Variants in CACNA1E observed in about 807,000 individuals in gnomAD.
The protein encoded by CACNA1E is calcium voltage-gated channel subunit alpha1 E.
In CACNA1E, 40 loss-of-function variants were observed where a neutral mutation model predicts 259.2. The ratio of observed to expected loss-of-function variants is 0.15; its 90% CI spans 0.12 to 0.20. CACNA1E has a LOEUF of 0.20. Ranked by LOEUF, CACNA1E falls within the 10% of genes least tolerant of loss-of-function variation. CACNA1E has a pLI of 1.00. For synonymous variants in CACNA1E, 1,104 were observed against 1,138.5 expected (o/e 0.97, Z 0.61); for missense variants, 1,874 against 3,040.1 (o/e 0.62, Z 9.02).
intron 3 of CACNA1E, among the ~76,000 whole-genome samples, chr1:181,543,826 A>G (rs1165158740): frequency 6.6e-6 from 1 of 152,234 alleles, no homozygotes; most frequent in Non-Finnish European, 1.5e-5. Context: ...ACAATAAAAG[A>G]GACAGACAAT....
At chr1:181,433,561 G>A (rs952147950) in intron 2 of CACNA1E, among the ~76,000 whole-genome samples, 13 of 152,152 alleles carry the variant, frequency 8.5e-5, no homozygotes, top group African/African-American at 2.2e-4. Context: ...AAATATAGGA[G>A]CTTATAAAGA....
chr1:181,323,814 C>T (rs192313353), intron 1 of CACNA1E, among the ~76,000 whole-genome samples: 2 of 152,334 alleles, frequency 1.3e-5, no homozygotes, highest in South Asian at 2.1e-4. Context: ...AACACACATC[C>T]AACTTCCGCC....
At chr1:181,715,043 C>T (rs1653756408) in intron 8 of CACNA1E, among the ~76,000 whole-genome samples, 1 of 152,184 alleles carries the variant, frequency 6.6e-6, no homozygotes, top group Admixed American at 6.5e-5. Context: ...TCATTCCTAT[C>T]AAGGATTTTA....
intron 16 of CACNA1E, among the ~76,000 whole-genome samples, chr1:181,723,163 T>C (rs545970674): frequency 6.6e-6 from 1 of 152,298 alleles, no homozygotes; most frequent in South Asian, 2.1e-4. Flanking sequence ...ATGGGAGAAG[T>C]TAGCATCTCA....
At chr1:181,373,607 G>A (rs1654866084) in intron 1 of CACNA1E, among the ~76,000 whole-genome samples, 2 of 146,998 alleles carry the variant, frequency 1.4e-5, no homozygotes, top group South Asian at 2.1e-4. Context: ...GCGCAATCTC[G>A]GCTCACTGCA....
intron 2 of CACNA1E, among the ~76,000 whole-genome samples, chr1:181,440,484 A>C (rs539927351): frequency 6.6e-6 from 1 of 152,258 alleles, no homozygotes; most frequent in South Asian, 2.1e-4. Flanking sequence ...TCCACCAAAG[A>C]ACAATAGCAA....
intron 6 of CACNA1E, among the ~76,000 whole-genome samples, chr1:181,637,709 CCAG>C (rs1371684829): frequency 6.6e-6 from 1 of 152,112 alleles, no homozygotes; most frequent in African/African-American, 2.4e-5. Context: ...GAACAACATA[CCAG>C]CCCACAATGA....
intron 6 of CACNA1E, among the ~76,000 whole-genome samples, chr1:181,584,773 C>T (rs1451226692): frequency 6.6e-6 from 1 of 152,150 alleles, no homozygotes; most frequent in African/African-American, 2.4e-5. Context: ...TCAGTCTTTT[C>T]CTACCACCTC....
At chr1:181,726,861 G>A (rs564593697) in intron 18 of CACNA1E, among the ~76,000 whole-genome samples, 1 of 152,196 alleles carries the variant, frequency 6.6e-6, no homozygotes, top group East Asian at 1.9e-4. Flanking sequence ...AAGGAGATGA[G>A]TAATCCCATT....
chr1:181,762,730 C>G (rs762616389), intron 33 of CACNA1E, 73 bp downstream of exon 33: 87 of 870,056 alleles, frequency 1.0e-4, no homozygotes, highest in Non-Finnish European at 1.3e-4. Flanking sequence ...TCTGTATATT[C>G]AGTCCATTTT....
chr1:181,492,914 A>G (rs989325461), intron 1 of CACNA1E, among the ~76,000 whole-genome samples: 2 of 152,166 alleles, frequency 1.3e-5, no homozygotes, highest in African/African-American at 4.8e-5. Context: ...TTGAAACTCT[A>G]TGGAACTTCA....
chr1:181,728,332 G>A (rs140507536), intron 18 of CACNA1E, among the ~76,000 whole-genome samples: 1 of 152,294 alleles, frequency 6.6e-6, no homozygotes, highest in African/African-American at 2.4e-5. Flanking sequence ...AAGAATGAAT[G>A]AAATGTGGGT....
rs1249717519 is a variant in CACNA1E, at chr1:181,732,865, A to G, written c.2779A>G (p.Arg927Gly). ...SQRRSRHRRV[R>G]TEGKESSSAS... is the part of the protein sequence containing the mutation. ...ACGGCGCAGCCGGCATCGCCGCGTC[A>G]GGACAGAAGGCAAGGAGTCCTCTTC... is the stretch of plus-strand genomic sequence containing the variant. Residue 927 changes from arginine to glycine, a missense_variant, in exon 20 of 48, where the codon AGG becomes GGG. Arg to Gly is a moderately radical substitution (Grantham distance 125). This residue lies in a region of CACNA1E where 476 missense variants were observed against 514.0 expected (regional missense o/e 0.93). Transcript: ENST00000367573. The surrounding 1 kb of genome is among the most constrained non-coding windows in gnomAD (Gnocchi z 5.5). The G allele has an allele frequency of 3.7e-6, 6 of 1,613,904 alleles. No homozygotes were observed. The highest frequency in any genetic ancestry group is 1.3e-5 in the African/African-American group (1 of 74,960).
At chr1:181,514,154 C>G (rs992864360) in intron 3 of CACNA1E, among the ~76,000 whole-genome samples, 11 of 152,200 alleles carry the variant, frequency 7.2e-5, no homozygotes, top group African/African-American at 2.7e-4. Flanking sequence ...TCACATGATG[C>G]TCTCATCTAC....
intron 7 of CACNA1E, among the ~76,000 whole-genome samples, chr1:181,659,381 A>C (rs1282090716): frequency 6.6e-6 from 1 of 152,234 alleles, no homozygotes; most frequent in Admixed American, 6.5e-5. Flanking sequence ...ACTTGTCTCA[A>C]AGGAAATGGG....
intron 6 of CACNA1E, among the ~76,000 whole-genome samples, chr1:181,593,440 G>A (rs1652854252): frequency 6.6e-6 from 1 of 152,158 alleles, no homozygotes; most frequent in Non-Finnish European, 1.5e-5. Flanking sequence ...CCTATATTTG[G>A]TGCAAAAGTG....
chr1:181,463,217 T>C (rs968774228), intron 2 of CACNA1E, among the ~76,000 whole-genome samples: 1 of 152,128 alleles, frequency 6.6e-6, no homozygotes, highest in Non-Finnish European at 1.5e-5. Context: ...AGATGAATAA[T>C]AACTATTAAT....
chr1:181,732,834 G>A lies in CACNA1E; in HGVS notation c.2748G>A (p.Gln916=), dbSNP rs746053171. ...TTGAGGACCGGGCCAGGCACAGGCA[G>A]AGCCAACGGCGCAGCCGGCATCGCC... ...VTFEDRARHR[Q]SQRRSRHRRV... The change falls in exon 20 of 48, where the codon CAG becomes CAA. Residue 916 remains glutamine, a synonymous_variant. Transcript: ENST00000367573. The surrounding 1 kb of genome is among the most constrained non-coding windows in gnomAD (Gnocchi z 5.5). 6.2e-7 allele frequency: 1 copy of A among 1,613,226 alleles called. No individual in the cohort carries two copies. Among genetic ancestry groups the A allele is most frequent in the Non-Finnish European group, 8.5e-7 (1 of 1,179,464 alleles).
rs56328449 is a variant in CACNA1E, at chr1:181,784,302, G to T, written c.5471-359G>T. 4.5e-3 allele frequency among the ~76,000 whole-genome samples: 684 copies of T among 152,266 alleles called. 7 individuals carry two copies. The highest frequency in any genetic ancestry group is 0.016 in the African/African-American group (652 of 41,554). On this transcript the variant is annotated intron_variant, in intron 40 of 47. Transcript: ENST00000367573. ...TCACTCAGACTATGGAGTTAGGGTT[G>T]CTGGAGGGATTGATGTATGGATAAG...
Sources: allele counts gnomAD v4.1 joint callset (sites outside exome capture counted in the v4.1 genomes callset), GRCh38; gene constraint gnomAD v4.1.1; regional missense constraint gnomAD v4.1.1; non-coding constraint Gnocchi (gnomAD v3.1); transcripts MANE v1.5; gene names NCBI Gene and HGNC (gene_info 2026-07-23, HGNC 2026-07-21).